The following ADARB2 variants were observed in gnomAD, a reference collection of about 807,000 sequenced individuals.
The protein encoded by ADARB2 is adenosine deaminase RNA specific B2 (inactive), also known as inactive double-stranded RNA-specific editase B2.
In ADARB2, 25 loss-of-function variants were observed where a neutral mutation model predicts 62.2. That is an observed-to-expected ratio of 0.40 (90% CI 0.29 to 0.56). The LOEUF (loss-of-function observed/expected upper bound fraction) is 0.56. Ranked by LOEUF, ADARB2 falls within the 20% of genes least tolerant of loss-of-function variation. ADARB2 has a pLI of 0.43. For missense variants in ADARB2, 1,071 were observed against 1,077.4 expected, an observed-to-expected ratio of 0.99 and a Z score of 0.08; for synonymous variants, 572 against 500.8, an observed-to-expected ratio of 1.14 and a Z score of -1.90.
chr10:1,271,058 G>A lies in ADARB2; in HGVS notation c.1089C>T (p.Asp363=), dbSNP rs1387984600. Residue 363 remains aspartate, a synonymous_variant, in exon 4 of 10, where the codon GAC becomes GAT. Transcript: ENST00000381312. ...TCTGTGTGACCAGCTGGGATATGGAGTCTGCGAATTCCTGAAAGACACAAG... is the reference window on the plus strand; with the variant it reads ...TCTGTGTGACCAGCTGGGATATGGAATCTGCGAATTCCTGAAAGACACAAG... ...RRTPMPQEFA[D]SISQLVTQKF... is the part of the protein sequence containing the mutation. 2 of 1,613,840 alleles carry A rather than the reference G, an allele frequency of 1.2e-6. No individual in the cohort carries two copies. Among genetic ancestry groups the A allele is most frequent in the African/African-American group, 1.3e-5 (1 of 74,918 alleles).
chr10:1,678,300 A>G, intron 1 of ADARB2: 1 of 983,648 alleles, frequency 1.0e-6, no homozygotes, highest in Non-Finnish European at 1.2e-6. Flanking sequence ...CGGGGTGAGC[A>G]TCCTCAGGGT....
At chr10:1,527,844 C>T (rs748641785) in intron 1 of ADARB2, among the ~76,000 whole-genome samples, 6 of 152,072 alleles carry the variant, frequency 3.9e-5, no homozygotes, top group Admixed American at 6.6e-5. Context: ...CCCAGCTGCA[C>T]GGGGAGAAGC....
chr10:1,219,049 CAAAAAAAAAAAA>C (rs58282140), intron 6 of ADARB2, among the ~76,000 whole-genome samples: 54 of 103,590 alleles, frequency 5.2e-4, no homozygotes, highest in African/African-American at 1.9e-3. Context: ...GACTACGTCT[CAAAAAAAAAAAA>C]AAAAAAAAGA....
chr10:1,394,964 G>T, intron 1 of ADARB2: 1 of 454,822 alleles, frequency 2.2e-6, no homozygotes, highest in Middle Eastern at 5.3e-4. Flanking sequence ...TCTGTCCCCA[G>T]GCTGGAGTGC....
chr10:1,348,117 G>T (rs899124311), intron 3 of ADARB2, among the ~76,000 whole-genome samples: 1 of 152,164 alleles, frequency 6.6e-6, no homozygotes, highest in Non-Finnish European at 1.5e-5. Context: ...GGCTATCTCG[G>T]TCCTGTGGTG....
At chr10:1,295,029 G>A (rs553736265) in intron 3 of ADARB2, among the ~76,000 whole-genome samples, 29 of 152,316 alleles carry the variant, frequency 1.9e-4, no homozygotes, top group African/African-American at 6.7e-4. Context: ...CTGCGGGAAC[G>A]GCCCACATCC....
At chr10:1,431,708 A>C (rs1269799722) in intron 1 of ADARB2, among the ~76,000 whole-genome samples, 1 of 152,216 alleles carries the variant, frequency 6.6e-6, no homozygotes, top group African/African-American at 2.4e-5. Context: ...AATGTCTTGC[A>C]AGACTGAGAA....
intron 8 of ADARB2, among the ~76,000 whole-genome samples, chr10:1,196,414 G>A (rs1296238101): frequency 3.3e-5 from 5 of 151,668 alleles, no homozygotes; most frequent in East Asian, 1.9e-4. Context: ...TCAATTTCTC[G>A]ATGTTGGATA....
At chr10:1,713,914 T>C (rs75308259) in intron 1 of ADARB2, among the ~76,000 whole-genome samples, 2,448 of 152,316 alleles carry the variant, frequency 0.016, 30 homozygotes, top group Middle Eastern at 0.048. Context: ...GTCAGATGCC[T>C]GGGGACCCAG....
intron 3 of ADARB2, among the ~76,000 whole-genome samples, chr10:1,351,264 T>C (rs1481917505): frequency 6.6e-6 from 1 of 152,206 alleles, no homozygotes; most frequent in African/African-American, 2.4e-5. Context: ...CCATCACGGA[T>C]GCTGAGCTTC....
intron 1 of ADARB2, among the ~76,000 whole-genome samples, chr10:1,688,333 G>A (rs1290351258): frequency 6.6e-6 from 1 of 152,208 alleles, no homozygotes; most frequent in Admixed American, 6.5e-5. Flanking sequence ...GGCAGAGTTG[G>A]GGACATCCTC....
chr10:1,387,721 G>A (rs181064646), intron 1 of ADARB2, among the ~76,000 whole-genome samples: 24 of 152,118 alleles, frequency 1.6e-4, no homozygotes, highest in African/African-American at 5.8e-4. Context: ...TAGAAAAATG[G>A]AAGGGGGTGG....
intron 1 of ADARB2, among the ~76,000 whole-genome samples, chr10:1,647,345 GTA>G (rs147713765): frequency 9.2e-5 from 14 of 152,296 alleles, no homozygotes; most frequent in East Asian, 3.9e-4. Context: ...ATGTGTGCAT[GTA>G]TATATGTGTG....
intron 1 of ADARB2, among the ~76,000 whole-genome samples, chr10:1,471,585 G>A (rs1216644184): frequency 1.3e-5 from 2 of 151,956 alleles, no homozygotes; most frequent in Non-Finnish European, 2.9e-5. Context: ...TAAAGACAGT[G>A]TTTCTCCATG....
intron 1 of ADARB2, among the ~76,000 whole-genome samples, chr10:1,440,972 A>T (rs990241984): frequency 2.0e-5 from 3 of 152,262 alleles, no homozygotes; most frequent in Non-Finnish European, 4.4e-5. Context: ...AGCACTATTC[A>T]TTCACAACAC....
intron 4 of ADARB2, among the ~76,000 whole-genome samples, chr10:1,264,889 G>C (rs1236871437): frequency 6.6e-6 from 1 of 152,148 alleles, no homozygotes; most frequent in Non-Finnish European, 1.5e-5. Context: ...GTTTAAATGG[G>C]AAAGAATATT....
chr10:1,381,173 T>TACAC (rs57463053), intron 1 of ADARB2, among the ~76,000 whole-genome samples: 30 of 151,588 alleles, frequency 2.0e-4, no homozygotes, highest in African/African-American at 6.1e-4. Context: ...TTTGTGCATA[T>TACAC]ACACACACAC....
At chr10:1,555,314 C>T (rs78101577) in intron 1 of ADARB2, among the ~76,000 whole-genome samples, 1,925 of 152,338 alleles carry the variant, frequency 0.013, 33 homozygotes, top group African/African-American at 0.038. Context: ...AGTGGCTGAG[C>T]GAATTTACAT....
At chr10:1,503,694 C>T (rs1028129225) in intron 1 of ADARB2, among the ~76,000 whole-genome samples, 6 of 151,992 alleles carry the variant, frequency 3.9e-5, no homozygotes, top group African/African-American at 1.2e-4. Flanking sequence ...ATCATGTAGG[C>T]GGATTTCTCA....
Sources: gnomAD v4.1 joint callset for allele counts (sites outside exome capture counted in the v4.1 genomes callset) on GRCh38, gnomAD v4.1.1 for gene constraint, MANE v1.5 for transcripts, NCBI Gene and HGNC (gene_info 2026-07-23, HGNC 2026-07-21) for gene names.